Variants in JAK1 observed in about 807,000 individuals in gnomAD.
JAK1 encodes tyrosine-protein kinase JAK1.
JAK1 carries 16 observed loss-of-function variants against 136.6 expected under a neutral mutation model. That is an observed-to-expected ratio of 0.12 (90% CI 0.08 to 0.18). The LOEUF (loss-of-function observed/expected upper bound fraction) is 0.18, where lower values mean the gene tolerates loss of function less well. JAK1 is among the 10% of genes least tolerant of loss of function. The pLI is 1.00. For missense variants in JAK1, 859 were observed against 1,450.1 expected (o/e 0.59, Z 6.62); for synonymous variants, 492 against 519.5 (o/e 0.95, Z 0.72).
At chr1:64,886,420 G>A in intron 1 of JAK1, 79 bp from the exon 2 acceptor site, 1 of 772,994 alleles carries the variant, frequency 1.3e-6, no homozygotes, top group Non-Finnish European at 1.9e-6. Flanking sequence ...CATTAAGGAA[G>A]CAGCCCAAAC....
chr1:64,862,024 G>A (rs150554584), intron 8 of JAK1, among the ~76,000 whole-genome samples: 3 of 152,346 alleles, frequency 2.0e-5, no homozygotes, highest in Non-Finnish European at 4.4e-5. Context: ...GAGATGTAGA[G>A]AGAAGTGATA....
At chr1:65,054,688 G>A (rs1448402918) in intron 1 of JAK1, among the ~76,000 whole-genome samples, 1 of 152,274 alleles carries the variant, frequency 6.6e-6, no homozygotes, top group Non-Finnish European at 1.5e-5. Flanking sequence ...AATCTCACCA[G>A]AAAAGACATA....
intron 2 of JAK1, among the ~76,000 whole-genome samples, chr1:65,031,155 C>CAAAA (rs375856684): frequency 4.4e-5 from 3 of 68,270 alleles, no homozygotes; most frequent in African/African-American, 1.5e-4. Flanking sequence ...GACCCTATCT[C>CAAAA]AAAAAAAAAA....
intron 2 of JAK1, among the ~76,000 whole-genome samples, chr1:65,030,661 T>A (rs1006456137): frequency 1.3e-5 from 2 of 152,044 alleles, no homozygotes; most frequent in Non-Finnish European, 2.9e-5. Context: ...GCCTCCCAAC[T>A]AGCTGGGATT....
At chr1:65,038,016 T>C (rs1647091939) in intron 2 of JAK1, among the ~76,000 whole-genome samples, 1 of 152,130 alleles carries the variant, frequency 6.6e-6, no homozygotes, top group Non-Finnish European at 1.5e-5. Context: ...ATTATGTCTG[T>C]AGTTTCTTCC....
chr1:64,855,457 C>A, intron 11 of JAK1, 52 bp downstream of exon 11: 1 of 1,563,050 alleles, frequency 6.4e-7, no homozygotes, highest in Non-Finnish European at 8.7e-7. Context: ...CGATCTGGGT[C>A]TCAGCACATT....
intron 6 of JAK1, 24 bp downstream of exon 6, chr1:64,869,287 T>G (rs763267592): frequency 1.2e-6 from 2 of 1,607,376 alleles, no homozygotes; most frequent in Admixed American, 1.7e-5. Context: ...CACAATCAAT[T>G]CTTCAGCCAG....
At chr1:64,996,782 C>T (rs181421905) in intron 2 of JAK1, among the ~76,000 whole-genome samples, 39 of 152,258 alleles carry the variant, frequency 2.6e-4, no homozygotes, top group East Asian at 1.7e-3. Context: ...TGAAGAACAC[C>T]GGATTTTTAG....
upstream of JAK1, among the ~76,000 whole-genome samples, chr1:64,971,225 C>T (rs1030427992): frequency 5.3e-5 from 8 of 152,158 alleles, no homozygotes; most frequent in Admixed American, 1.3e-4. Context: ...TCTTTTTCCA[C>T]GGGGCATATT....
chr1:64,971,961 T>G (rs1224920688), intron 2 of JAK1, among the ~76,000 whole-genome samples: 3 of 152,226 alleles, frequency 2.0e-5, no homozygotes, highest in African/African-American at 7.2e-5. Context: ...TATGTTGAAT[T>G]GTTGTGGGTT....
chr1:64,937,255 C>T (rs1052417617), intron 1 of JAK1, among the ~76,000 whole-genome samples: 2 of 152,146 alleles, frequency 1.3e-5, no homozygotes, highest in Non-Finnish European at 2.9e-5. Flanking sequence ...CTCAAAGTCT[C>T]CAGAGGCATA....
intron 4 of JAK1, among the ~76,000 whole-genome samples, chr1:64,876,968 G>A (rs956638087): frequency 1.3e-5 from 2 of 152,184 alleles, no homozygotes; most frequent in African/African-American, 2.4e-5. Flanking sequence ...TTAATGGACT[G>A]TGAAATTCAA....
intron 1 of JAK1, among the ~76,000 whole-genome samples, chr1:64,936,116 T>A (rs1645785134): frequency 6.6e-6 from 1 of 152,170 alleles, no homozygotes; most frequent in African/African-American, 2.4e-5. Context: ...TAAAACTCCT[T>A]CATTGACTGA....
At chr1:64,928,781 AAAAAAAAAAAAAAAAC>A (rs1026785234) in intron 1 of JAK1, among the ~76,000 whole-genome samples, 8 of 100,414 alleles carry the variant, frequency 8.0e-5, no homozygotes, top group Admixed American at 6.3e-4. Flanking sequence ...AACTCTGCAA[AAAAAAAAAAAAAAAAC>A]AAAAAAAAAA....
At chr1:65,033,171 A>G (rs1297279777) in intron 2 of JAK1, among the ~76,000 whole-genome samples, 1 of 152,082 alleles carries the variant, frequency 6.6e-6, no homozygotes, top group Non-Finnish European at 1.5e-5. Context: ...AAAAGAGGCT[A>G]TGTTCCTGTT....
At chr1:64,948,347 A>G (rs886909350) in intron 1 of JAK1, among the ~76,000 whole-genome samples, 1 of 152,234 alleles carries the variant, frequency 6.6e-6, no homozygotes, top group African/African-American at 2.4e-5. Context: ...GTGTATCTAA[A>G]AAGCTATCAT....
chr1:65,052,595 C>T (rs1241108664), intron 1 of JAK1, among the ~76,000 whole-genome samples: 2 of 151,876 alleles, frequency 1.3e-5, no homozygotes, highest in Admixed American at 6.6e-5. Context: ...GGGCGGATCA[C>T]GAGGTCAGGA....
chr1:64,982,743 A>G (rs1460755677), intron 2 of JAK1, among the ~76,000 whole-genome samples: 1 of 151,686 alleles, frequency 6.6e-6, no homozygotes, highest in Non-Finnish European at 1.5e-5. Flanking sequence ...TTTAATCTGT[A>G]AAATGGGAGT....
At chr1:64,837,874 T>G in intron 22 of JAK1, 58 bp downstream of exon 22, 1 of 1,459,790 alleles carries the variant, frequency 6.9e-7, no homozygotes, top group Non-Finnish European at 9.4e-7. Flanking sequence ...AAAGGGCCTA[T>G]TAAAACAGTG....
Sources: allele counts gnomAD v4.1 joint callset (sites outside exome capture counted in the v4.1 genomes callset), GRCh38; gene constraint gnomAD v4.1.1; transcripts MANE v1.5; gene names NCBI Gene and HGNC (gene_info 2026-07-23, HGNC 2026-07-21).